Variants in PARL observed in about 807,000 individuals in gnomAD.
PARL encodes the protein presenilin-associated rhomboid-like protein, mitochondrial.
PARL carries 44 observed loss-of-function variants against 51.6 expected under a neutral mutation model. The observed-to-expected ratio is 0.85, with a 90% confidence interval of 0.67 to 1.10. The LOEUF (loss-of-function observed/expected upper bound fraction) is 1.10, where lower values mean the gene tolerates loss of function less well. PARL is among the 50% of genes least tolerant of loss of function. The pLI, the probability that PARL is intolerant of heterozygous loss-of-function variation, is 0.00. For synonymous variants in PARL, 172 were observed against 164.0 expected (o/e 1.05, Z -0.37); for missense variants, 441 against 469.5 (o/e 0.94, Z 0.56).
intron 7 of PARL, 52 bp downstream of exon 7, chr3:183,840,518 C>T (rs1729166343): frequency 2.3e-6 from 2 of 854,710 alleles, no homozygotes; most frequent in Non-Finnish European, 3.8e-6. Flanking sequence ...AAACTTATTT[C>T]AAAGTAAATT....
intron 1 of PARL, among the ~76,000 whole-genome samples, chr3:183,882,772 T>C (rs1734714100): frequency 6.6e-6 from 1 of 152,206 alleles, no homozygotes; most frequent in Admixed American, 6.5e-5. Context: ...GCCTTGGGCC[T>C]GCAGTAGTTT....
chr3:183,827,044 A>G (rs2108567433), downstream of PARL, among the ~76,000 whole-genome samples: 1 of 152,102 alleles, frequency 6.6e-6, no homozygotes, highest in Admixed American at 6.5e-5. Context: ...TGGACTCGCC[A>G]CCTGTTGTGA....
At chr3:183,830,882 G>C (rs1313452414) in intron 9 of PARL, among the ~76,000 whole-genome samples, 1 of 152,126 alleles carries the variant, frequency 6.6e-6, no homozygotes, top group African/African-American at 2.4e-5. Context: ...TTTAGAATGA[G>C]AGAAAAAGGA....
chr3:183,843,381 G>T, intron 5 of PARL: 3 of 657,510 alleles, frequency 4.6e-6, no homozygotes, highest in Non-Finnish European at 1.9e-6. Context: ...GCTGGGCATG[G>T]TGGCATGCAC....
chr3:183,827,050 T>C (rs1260329623), downstream of PARL, among the ~76,000 whole-genome samples: 1 of 151,516 alleles, frequency 6.6e-6, no homozygotes, highest in East Asian at 1.9e-4. Context: ...CGCCACCTGT[T>C]GTGAGGGAGG....
At chr3:183,862,096 C>G (rs1399568405) in intron 4 of PARL, among the ~76,000 whole-genome samples, 2 of 152,292 alleles carry the variant, frequency 1.3e-5, no homozygotes, top group East Asian at 3.9e-4. Flanking sequence ...TCAAGTTTCT[C>G]AAATAACTGA....
chr3:183,826,898 C>A (rs894165384), downstream of PARL, among the ~76,000 whole-genome samples: 1 of 152,104 alleles, frequency 6.6e-6, no homozygotes, highest in African/African-American at 2.4e-5. Context: ...AAACAACAGT[C>A]AAAGAGCAGT....
intron 1 of PARL, chr3:183,879,626 T>C: frequency 2.1e-6 from 1 of 468,698 alleles, no homozygotes; most frequent in Non-Finnish European, 2.8e-6. Flanking sequence ...TTTGGTTTTC[T>C]ATTGGAATAA....
intron 3 of PARL, among the ~76,000 whole-genome samples, chr3:183,865,033 C>T (rs1357032525): frequency 4.0e-5 from 6 of 151,464 alleles, no homozygotes; most frequent in Non-Finnish European, 7.4e-5. Context: ...GGGCCAGGCA[C>T]AGTGGCTCAC....
At chr3:183,864,633 G>A (rs1181891662) in intron 3 of PARL, among the ~76,000 whole-genome samples, 5 of 152,018 alleles carry the variant, frequency 3.3e-5, no homozygotes, top group Admixed American at 6.6e-5. Context: ...AAAATTAGCC[G>A]GGCGTGGTGG....
chr3:183,861,471 T>C (rs1247422656), intron 4 of PARL, among the ~76,000 whole-genome samples: 5 of 152,120 alleles, frequency 3.3e-5, no homozygotes, highest in Admixed American at 3.3e-4. Context: ...AAAACTGCAA[T>C]GAGTTCAGAA....
At chr3:183,831,647 G>C (rs759456765) in intron 9 of PARL, among the ~76,000 whole-genome samples, 178 of 152,302 alleles carry the variant, frequency 1.2e-3, no homozygotes, top group Non-Finnish European at 2.1e-3. Context: ...ACAGTACAAT[G>C]TGAATACTGT....
Position 183,868,038 on chromosome 3 carries a change from T to A in PARL, c.148A>T (p.Lys50Ter). 1 of 1,614,164 alleles carries A rather than the reference T, an allele frequency of 6.2e-7. No individual in the cohort carries two copies. Among genetic ancestry groups the A allele is most frequent in the East Asian group, 2.2e-5 (1 of 44,878 alleles). Residue 50 changes from lysine (K) to a stop codon, truncating the protein, a stop_gained, in exon 2 of 10, where the codon AAA becomes TAA. Coordinates refer to ENST00000317096, the MANE Select transcript of PARL (RefSeq NM_018622.7). LOFTEE classifies it high-confidence loss of function. ...GRRFNFFIQQ[K>*]CGFRKAPRKV... is the part of the protein sequence containing the mutation. ...CTGGGTGCTTTTCTGAATCCGCATTTTTGTTGAATAAAGAAGTTAAACCTA... is the reference window on the plus strand; with the variant it reads ...CTGGGTGCTTTTCTGAATCCGCATTATTGTTGAATAAAGAAGTTAAACCTA...
chr3:183,857,006 A>G (rs548593853), intron 4 of PARL, among the ~76,000 whole-genome samples: 1 of 152,362 alleles, frequency 6.6e-6, no homozygotes, highest in African/African-American at 2.4e-5. Context: ...AACAACCTAA[A>G]TATCTATTAA....
intron 4 of PARL, among the ~76,000 whole-genome samples, chr3:183,853,284 G>T (rs922525698): frequency 7.1e-6 from 1 of 140,150 alleles, no homozygotes; most frequent in Non-Finnish European, 1.6e-5. Flanking sequence ...TAACTCAGGC[G>T]GGTGCAAGTG....
chr3:183,865,878 TTTTC>T (rs1315806621), intron 3 of PARL, among the ~76,000 whole-genome samples: 1 of 150,966 alleles, frequency 6.6e-6, no homozygotes, highest in Non-Finnish European at 1.5e-5. Context: ...CATTAATTTC[TTTTC>T]TTTTTTTTTT....
chr3:183,868,932 C>A (rs1401788994), intron 1 of PARL, among the ~76,000 whole-genome samples: 1 of 152,080 alleles, frequency 6.6e-6, no homozygotes, highest in Non-Finnish European at 1.5e-5. Context: ...GTTACCCCAA[C>A]AGTTAAAAAA....
At chr3:183,867,697 C>G (rs964251985) in intron 2 of PARL, among the ~76,000 whole-genome samples, 168 bp downstream of exon 2, 3 of 142,744 alleles carry the variant, frequency 2.1e-5, no homozygotes, top group Admixed American at 6.9e-5. Flanking sequence ...GAGACTCCGT[C>G]TCAAAAAAAA....
At chr3:183,835,120 C>T (rs1728421229) in intron 7 of PARL, among the ~76,000 whole-genome samples, 2 of 147,580 alleles carry the variant, frequency 1.4e-5, no homozygotes, top group South Asian at 4.3e-4. Context: ...CTATTTCCTG[C>T]AACTTTCCAT....
Sources: allele counts gnomAD v4.1 joint callset (sites outside exome capture counted in the v4.1 genomes callset), GRCh38; gene constraint gnomAD v4.1.1; transcripts MANE v1.5; gene names NCBI Gene and HGNC (gene_info 2026-07-23, HGNC 2026-07-21).